Variants in PARP8 observed in about 807,000 individuals in gnomAD.
PARP8 encodes poly(ADP-ribose) polymerase family member 8, also known as protein mono-ADP-ribosyltransferase PARP8.
In PARP8, 51 loss-of-function variants were observed where a neutral mutation model predicts 124.1. That is an observed-to-expected ratio of 0.41 (90% CI 0.33 to 0.52). The LOEUF (loss-of-function observed/expected upper bound fraction) is 0.52. PARP8 is among the 20% of genes least tolerant of loss of function. The probability of loss-of-function intolerance (pLI) is 0.21; values close to 1 mark genes in which losing one functional copy is unlikely to be tolerated. For synonymous variants in PARP8, 391 were observed against 361.5 expected, an observed-to-expected ratio of 1.08 and a Z score of -0.93; for missense variants, 860 against 1,018.9, an observed-to-expected ratio of 0.84 and a Z score of 2.12.
chr5:50,747,495 G>A (rs540534175), intron 2 of PARP8, among the ~76,000 whole-genome samples: 1 of 151,532 alleles, frequency 6.6e-6, no homozygotes, highest in Non-Finnish European at 1.5e-5. Flanking sequence ...AATTATGATT[G>A]TTGAGTTGTT....
In PARP8 at chr5:50,713,234, A is replaced by ATAT. The variant is rs142928023; in HGVS notation, c.147-36897_147-36895dup. ...ATATTGAGTGCTCAATAAACTTTAG[A>ATAT]TATTATTATTATTATTATTATTTTG... On this transcript the variant is annotated intron_variant, in intron 2 of 25. Coordinates refer to ENST00000281631, the MANE Select transcript of PARP8 (RefSeq NM_024615.4). 8.3e-3 allele frequency among the ~76,000 whole-genome samples: 1,254 copies of ATAT among 151,374 alleles called. 21 individuals are homozygous for ATAT. Among genetic ancestry groups the ATAT allele is most frequent in the African/African-American group, 0.029 (1,186 of 41,282 alleles).
At chr5:50,731,344 C>T (rs1164004600) in intron 2 of PARP8, among the ~76,000 whole-genome samples, 1 of 152,056 alleles carries the variant, frequency 6.6e-6, no homozygotes, top group Non-Finnish European at 1.5e-5. Flanking sequence ...CTCTTTTGCT[C>T]TTCTGTCCAA....
At chr5:50,763,391 G>C (rs1760753520) in intron 7 of PARP8, 149 bp downstream of exon 7, 1 of 580,824 alleles carries the variant, frequency 1.7e-6, no homozygotes, top group Non-Finnish European at 3.0e-6. Flanking sequence ...TACACAAAAT[G>C]ACATATTTAT....
intron 2 of PARP8, among the ~76,000 whole-genome samples, chr5:50,713,388 G>A (rs1754975895): frequency 6.6e-6 from 1 of 151,940 alleles, no homozygotes; most frequent in South Asian, 2.1e-4. Context: ...CTACAGGCAT[G>A]TGCCACTATG....
At chr5:50,755,355 A>C (rs1199586008) in intron 3 of PARP8, among the ~76,000 whole-genome samples, 1 of 151,982 alleles carries the variant, frequency 6.6e-6, no homozygotes, top group Non-Finnish European at 1.5e-5. Context: ...ATTAATTTTT[A>C]TATAAGGTGT....
intron 3 of PARP8, among the ~76,000 whole-genome samples, chr5:50,754,772 A>G (rs1759726932): frequency 6.6e-6 from 1 of 152,180 alleles, no homozygotes; most frequent in African/African-American, 2.4e-5. Flanking sequence ...ATCTTCCACA[A>G]TGGTTGAACT....
At chr5:50,714,178 G>A (rs1188053274) in intron 2 of PARP8, among the ~76,000 whole-genome samples, 4 of 151,272 alleles carry the variant, frequency 2.6e-5, no homozygotes, top group Admixed American at 2.0e-4. Context: ...ACCCATGTTG[G>A]GAAGAGCCCC....
rs1258449168 is a variant in PARP8, at chr5:50,772,682, T to TTATTTG, written c.519-5382_519-5381insGTATTT. On this transcript the variant is annotated intron_variant, in intron 7 of 25. Coordinates refer to ENST00000281631, the MANE Select transcript of PARP8 (RefSeq NM_024615.4). The stretch of plus-strand genomic sequence containing the variant: ...AATGCACATTCGGGTCTTTTGCCTT[T>TTATTTG]TATTTTTATTTTTATTTTTATTTTT... 1.8e-3 allele frequency among the ~76,000 whole-genome samples: 271 copies of TTATTTG among 150,284 alleles called. 1 individual carries two copies. Among genetic ancestry groups the TTATTTG allele is most frequent in the African/African-American group, 6.3e-3 (258 of 40,908 alleles).
rs70972943 is a variant in PARP8 at position 50,747,761 on chromosome 5, C to CTTTTTTTT, written c.147-2368_147-2361dup. ...TCTCTCAAAGATAGGATAGACCTTG[C>CTTTTTTTT]TTTTTTTTTTTTTTTTTTTTTTTTT... is the stretch of plus-strand genomic sequence containing the variant. On this transcript the variant is annotated intron_variant, in intron 2 of 25. Transcript: ENST00000281631. 3.6e-4 allele frequency among the ~76,000 whole-genome samples: 19 copies of CTTTTTTTT among 52,934 alleles called. 5 individuals carry two copies. The highest frequency in any genetic ancestry group is 4.2e-4 in the African/African-American group (8 of 19,226). 34.7% of individuals were successfully genotyped at this position (52,934 alleles called of 152,430 possible).
intron 10 of PARP8, among the ~76,000 whole-genome samples, chr5:50,789,045 TGAG>T (rs1295861573): frequency 2.0e-5 from 3 of 152,178 alleles, no homozygotes; most frequent in African/African-American, 7.2e-5. Context: ...TGGGCTCTAT[TGAG>T]GGCTTCCACT....
intron 9 of PARP8, among the ~76,000 whole-genome samples, chr5:50,784,895 A>T (rs1430498671): frequency 2.0e-5 from 3 of 152,016 alleles, no homozygotes; most frequent in African/African-American, 7.2e-5. Flanking sequence ...TCAAGAAAGT[A>T]TTAATTTTTT....
At chr5:50,812,376 C>T (rs1744558055) in intron 14 of PARP8, among the ~76,000 whole-genome samples, 1 of 152,180 alleles carries the variant, frequency 6.6e-6, no homozygotes, top group Non-Finnish European at 1.5e-5. Context: ...TGTCTGTTGG[C>T]TGCATAAATG....
intron 2 of PARP8, among the ~76,000 whole-genome samples, chr5:50,704,081 T>C (rs190897719): frequency 7.4e-4 from 112 of 152,250 alleles, no homozygotes; most frequent in Non-Finnish European, 2.5e-4. Flanking sequence ...TAATTCACAT[T>C]CAGTCTTTTT....
At chr5:50,691,395 G>T (rs1752483996) in intron 2 of PARP8, among the ~76,000 whole-genome samples, 1 of 152,138 alleles carries the variant, frequency 6.6e-6, no homozygotes, top group Non-Finnish European at 1.5e-5. Context: ...CTTAGACGGG[G>T]TTAATCATGC....
Position 50,670,558 on chromosome 5 carries a change from A to G in PARP8, c.146+2433A>G, listed in dbSNP as rs967914945. 9.2e-5 allele frequency among the ~76,000 whole-genome samples: 14 copies of G among 152,244 alleles called. 1 individual carries two copies. The highest frequency in any genetic ancestry group is 3.4e-4 in the African/African-American group (14 of 41,454). ...AGAGGCGATTGTGTCCATGCTGGCA[A>G]GTGGCCTAATAAATTGTCCTTTTAT... On this transcript the variant is annotated intron_variant, in intron 2 of 25. Transcript: ENST00000281631.
chr5:50,824,643 T>C (rs1200927419), intron 17 of PARP8, among the ~76,000 whole-genome samples: 2 of 152,150 alleles, frequency 1.3e-5, no homozygotes, highest in African/African-American at 4.8e-5. Context: ...TTTAGGGACA[T>C]AGGCTAGTGT....
At chr5:50,823,942 C>T (rs1315270412) in intron 17 of PARP8, among the ~76,000 whole-genome samples, 2 of 152,154 alleles carry the variant, frequency 1.3e-5, no homozygotes, top group Admixed American at 1.3e-4. Context: ...CACCCTGTTT[C>T]GGTGTGTACT....
intron 2 of PARP8, chr5:50,744,730 G>A: frequency 4.3e-6 from 3 of 694,746 alleles, no homozygotes; most frequent in East Asian, 2.7e-5. Context: ...TTTTTTCTCT[G>A]AATAGGAATT....
In PARP8 at chr5:50,750,180, A is replaced by G; in HGVS notation, c.176A>G (p.Asp59Gly). The change falls in exon 3 of 26, where the codon GAT becomes GGT. Residue 59 changes from aspartate (D) to glycine (G), a missense_variant. Around this residue, in one of 2 missense-constraint regions of PARP8, gnomAD observed 517 missense variants for 544.2 expected, o/e 0.95. Coordinates refer to ENST00000281631, the MANE Select transcript of PARP8 (RefSeq NM_024615.4). ...TCCTACTCAGTACATGTATCTGAAG[A>G]TTACCCAGGTATGCTTTTCTTGTTT... ...SVSYSVHVSE[D>G]YPDNTYVSSS... The G allele has an allele frequency of 6.3e-7, 1 of 1,591,080 alleles. No homozygotes were observed. The highest frequency in any genetic ancestry group is 8.6e-7 in the Non-Finnish European group (1 of 1,160,268).
Sources: gnomAD v4.1 joint callset for allele counts (sites outside exome capture counted in the v4.1 genomes callset) on GRCh38, gnomAD v4.1.1 for gene constraint, gnomAD v4.1.1 regional missense constraint, MANE v1.5 for transcripts, NCBI Gene and HGNC (gene_info 2026-07-23, HGNC 2026-07-21) for gene names.